Variants in WLS observed in about 807,000 individuals in gnomAD.
WLS encodes protein wntless homolog.
Under a neutral mutation model 62.8 loss-of-function variants are expected in WLS, and 23 were observed. The ratio of observed to expected loss-of-function variants is 0.37; its 90% CI spans 0.26 to 0.52. The LOEUF is 0.52. Ranked by LOEUF, WLS falls within the 20% of genes least tolerant of loss-of-function variation. WLS has a pLI of 0.92. For missense variants in WLS, 615 were observed against 697.3 expected, an observed-to-expected ratio of 0.88 and a Z score of 1.33; for synonymous variants, 246 against 244.1, an observed-to-expected ratio of 1.01 and a Z score of -0.07.
chr1:68,223,705 A>G (rs146027032), intron 1 of WLS, among the ~76,000 whole-genome samples: 5 of 152,328 alleles, frequency 3.3e-5, no homozygotes, highest in African/African-American at 7.2e-5. Context: ...AGCAATCCCC[A>G]TGAGGAAGGA....
At chr1:68,105,210 A>G (rs1014794981) in intron 11 of WLS, among the ~76,000 whole-genome samples, 8 of 152,256 alleles carry the variant, frequency 5.3e-5, no homozygotes, top group Non-Finnish European at 1.2e-4. Flanking sequence ...GAAGCAGCAT[A>G]AGTAGTTTAC....
chr1:68,150,496 G>A, intron 5 of WLS, 140 bp from the exon 6 acceptor site: 1 of 1,165,314 alleles, frequency 8.6e-7, no homozygotes, highest in South Asian at 1.5e-5. Context: ...TCTGCACAGA[G>A]ATGCAAAACG....
chr1:68,161,065 A>G (rs1646965369), intron 2 of WLS, among the ~76,000 whole-genome samples: 1 of 152,248 alleles, frequency 6.6e-6, no homozygotes, highest in African/African-American at 2.4e-5. Context: ...TCCACTCAAT[A>G]AAACAGCAGA....
At chr1:68,142,479 GT>G (rs141720193) in intron 10 of WLS, 9 of 152,366 alleles carry the variant, frequency 5.9e-5, no homozygotes, top group Non-Finnish European at 8.8e-5. Context: ...AAGCATTTTG[GT>G]CATAGGAGGG....
intron 2 of WLS, among the ~76,000 whole-genome samples, chr1:68,191,691 G>A (rs1478538330): frequency 6.6e-6 from 1 of 152,176 alleles, no homozygotes. Context: ...CAATGAGTGA[G>A]TGAGTGAACA....
At chr1:68,208,825 G>A (rs1387809316) in intron 1 of WLS, among the ~76,000 whole-genome samples, 1 of 152,146 alleles carries the variant, frequency 6.6e-6, no homozygotes, top group Non-Finnish European at 1.5e-5. Context: ...TCTTAGAAAG[G>A]CGTGTTAGGA....
intron 2 of WLS, chr1:68,162,065 G>T: frequency 6.3e-7 from 1 of 1,586,040 alleles, no homozygotes. Context: ...GTGATGGCTC[G>T]GCGGATCTCA....
At chr1:68,165,340 C>G (rs1647045269) in intron 2 of WLS, among the ~76,000 whole-genome samples, 1 of 152,120 alleles carries the variant, frequency 6.6e-6, no homozygotes, top group Admixed American at 6.5e-5. Flanking sequence ...CTGTTCCCTT[C>G]TTTATAGGAC....
intron 3 of WLS, among the ~76,000 whole-genome samples, chr1:68,157,351 A>G (rs1297161659): frequency 6.6e-6 from 1 of 152,228 alleles, no homozygotes; most frequent in Non-Finnish European, 1.5e-5. Context: ...GTTCAAATTA[A>G]AAGAGACACA....
intron 11 of WLS, among the ~76,000 whole-genome samples, chr1:68,135,963 G>A (rs973351079): frequency 2.0e-5 from 3 of 152,198 alleles, no homozygotes; most frequent in African/African-American, 7.2e-5. Context: ...CCAAAGTTGG[G>A]CAGGGGGTAG....
At chr1:68,109,786 C>T (rs1646197517) in intron 11 of WLS, among the ~76,000 whole-genome samples, 1 of 151,834 alleles carries the variant, frequency 6.6e-6, no homozygotes, top group Non-Finnish European at 1.5e-5. Context: ...ACTACCTTCT[C>T]CAAACTTATT....
intron 11 of WLS, among the ~76,000 whole-genome samples, chr1:68,106,695 C>T (rs9436368): frequency 0.075 from 11,281 of 150,998 alleles, 514 homozygotes; most frequent in Non-Finnish European, 0.095. Flanking sequence ...CACCTGGAAA[C>T]GCGTGTGCAT....
At chr1:68,200,717 C>G (rs1648965449) in intron 1 of WLS, among the ~76,000 whole-genome samples, 1 of 152,112 alleles carries the variant, frequency 6.6e-6, no homozygotes, top group Non-Finnish European at 1.5e-5. Context: ...ATCCATTTTA[C>G]TTTGAAATGT....
chr1:68,099,990 C>T (rs1646056038), intron 11 of WLS, among the ~76,000 whole-genome samples: 1 of 152,192 alleles, frequency 6.6e-6, no homozygotes, highest in African/African-American at 2.4e-5. Context: ...GGAGAGTATA[C>T]AGTAGTTACT....
intron 1 of WLS, among the ~76,000 whole-genome samples, chr1:68,200,081 A>G (rs1215577265): frequency 1.3e-5 from 2 of 152,244 alleles, no homozygotes; most frequent in African/African-American, 4.8e-5. Flanking sequence ...ATAAGAATTA[A>G]TAATCAGAAC....
At chr1:68,098,738 C>A (rs1338874157) in exon 12 of WLS, 1 of 1,613,680 alleles carries the variant, frequency 6.2e-7, no homozygotes, top group South Asian at 1.1e-5. Context: ...CCTCGATTTA[C>A]ATGGGAGTTG....
chr1:68,232,075 C>A, intron 1 of WLS, 119 bp downstream of exon 1: 1 of 1,359,612 alleles, frequency 7.4e-7, no homozygotes, highest in Non-Finnish European at 1.0e-6. Context: ...GCACAATAGC[C>A]GGACTAATTA....
chr1:68,170,215 G>C (rs531473541), intron 2 of WLS, among the ~76,000 whole-genome samples: 1 of 137,230 alleles, frequency 7.3e-6, no homozygotes, highest in South Asian at 2.3e-4. Context: ...GCCCAGGCTG[G>C]AGTGCAATGG....
intron 1 of WLS, among the ~76,000 whole-genome samples, chr1:68,199,843 C>A (rs1038935125): frequency 2.0e-5 from 3 of 152,122 alleles, no homozygotes; most frequent in Admixed American, 2.0e-4. Flanking sequence ...TGGAAGGAGG[C>A]GGAGTGAGAG....
Sources: gnomAD v4.1 joint callset for allele counts (sites outside exome capture counted in the v4.1 genomes callset) on GRCh38, gnomAD v4.1.1 for gene constraint, MANE v1.5 for transcripts, NCBI Gene and HGNC (gene_info 2026-07-23, HGNC 2026-07-21) for gene names.